Variants in PDZD8 observed in about 807,000 individuals in gnomAD.
PDZD8 encodes the protein PDZ domain containing 8.
PDZD8 carries 14 observed loss-of-function variants against 85.8 expected under a neutral mutation model. That is an observed-to-expected ratio of 0.16 (90% CI 0.11 to 0.26). The LOEUF (loss-of-function observed/expected upper bound fraction) is 0.26. PDZD8 is among the 10% of genes least tolerant of loss of function. PDZD8 has a pLI of 1.00. For synonymous variants in PDZD8, 592 were observed against 568.6 expected (o/e 1.04, Z -0.59); for missense variants, 1,197 against 1,424.3 (o/e 0.84, Z 2.57).
In PDZD8 at chr10:117,364,722, G is replaced by C. The variant is rs144420907; in HGVS notation, c.872+9634C>G. 2.9e-3 allele frequency among the ~76,000 whole-genome samples: 446 copies of C among 152,208 alleles called. 3 individuals carry two copies. Among genetic ancestry groups the C allele is most frequent in the African/African-American group, 0.01 (419 of 41,532 alleles). The stretch of plus-strand genomic sequence containing the variant: ...GCAAAGAGGCATGAACAGATTAAGT[G>C]AGAAGTGGTGACGAAAGATAAGGTC... On this transcript the variant is annotated intron_variant, in intron 1 of 4. Transcript: ENST00000334464.
At chr10:117,331,153 T>G (rs928100263) in intron 2 of PDZD8, among the ~76,000 whole-genome samples, 2 of 152,206 alleles carry the variant, frequency 1.3e-5, no homozygotes, top group Admixed American at 6.5e-5. Flanking sequence ...ATATTTTTTG[T>G]ATTCATCGTA....
chr10:117,359,053 T>C (rs1221400426), intron 1 of PDZD8, among the ~76,000 whole-genome samples: 1 of 141,594 alleles, frequency 7.1e-6, no homozygotes, highest in African/African-American at 2.9e-5. Flanking sequence ...TTCAGTCCCA[T>C]GCTAGTTGAT....
At chr10:117,319,951 A>C (rs1357263492) in intron 2 of PDZD8, among the ~76,000 whole-genome samples, 1 of 152,022 alleles carries the variant, frequency 6.6e-6, no homozygotes, top group African/African-American at 2.4e-5. Flanking sequence ...CACATTAGAG[A>C]AATTTAAAAA....
chr10:117,301,098 C>T (rs1843839361), intron 3 of PDZD8, among the ~76,000 whole-genome samples: 1 of 152,136 alleles, frequency 6.6e-6, no homozygotes, highest in Non-Finnish European at 1.5e-5. Context: ...AAATAATTCT[C>T]TTACCTCAGC....
Position 117,375,369 on chromosome 10 carries a change from C to T in PDZD8, c.-142G>A, listed in dbSNP as rs1054897446. 49 of 522,302 alleles carry T rather than the reference C, an allele frequency of 9.4e-5. No individual in the cohort carries two copies. The highest frequency in any genetic ancestry group is 1.3e-4 in the Non-Finnish European group (44 of 344,662). The allele number at this position is 522,302 out of a possible 1,614,324, so 32.4% of individuals were successfully genotyped here. A position where few individuals can be genotyped will look rare whatever the true frequency, so the allele number is the denominator to read the frequency against. On this transcript the variant is annotated 5_prime_UTR_variant, in exon 1 of 5. Coordinates refer to ENST00000334464, the MANE Select transcript of PDZD8 (RefSeq NM_173791.5). Reference sequence around the variant, plus strand: ...GCTCCGTGGGCCTCGTCCAGGGGCTCGGGCCGGCGCGCTGCGGCGCCCGAG... The same window carrying T: ...GCTCCGTGGGCCTCGTCCAGGGGCTTGGGCCGGCGCGCTGCGGCGCCCGAG...
chr10:117,368,064 T>C (rs1845120192), intron 1 of PDZD8, among the ~76,000 whole-genome samples: 1 of 152,240 alleles, frequency 6.6e-6, no homozygotes, highest in Non-Finnish European at 1.5e-5. Context: ...ATAAGCTTTA[T>C]GTGTTCTTTG....
intron 1 of PDZD8, among the ~76,000 whole-genome samples, chr10:117,346,365 C>T (rs1844709599): frequency 6.6e-6 from 1 of 151,930 alleles, no homozygotes; most frequent in South Asian, 2.1e-4. Context: ...TCCCCCCAAC[C>T]ACCTGATTGA....
intron 3 of PDZD8, among the ~76,000 whole-genome samples, chr10:117,299,190 C>T (rs1843804679): frequency 6.6e-6 from 1 of 152,094 alleles, no homozygotes; most frequent in Non-Finnish European, 1.5e-5. Flanking sequence ...GAAAGTTTGC[C>T]ACCATCTACA....
In PDZD8 at chr10:117,283,768, T is replaced by C. The variant is rs779882112; in HGVS notation, c.2965A>G (p.Ser989Gly). The C allele has an allele frequency of 2.5e-6, 4 of 1,614,124 alleles. No individual in the cohort carries two copies. The African/African-American group carries it at 5.3e-5, about 22-fold the overall frequency. The change falls in exon 5 of 5, where the codon AGT becomes GGT. Residue 989 changes from serine to glycine, a missense_variant. Physicochemically the swap from Ser to Gly is moderately conservative, Grantham distance 56. Transcript: ENST00000334464. ...GSDTEVCGPN[S>G]PSKRGNSTGI... is the part of the protein sequence containing the mutation. ...GTGCTGTTTCCCCGTTTAGAAGGACTGTTTGGACCACAGACCTCCGTGTCA... is the reference window on the plus strand; with the variant it reads ...GTGCTGTTTCCCCGTTTAGAAGGACCGTTTGGACCACAGACCTCCGTGTCA...
intron 1 of PDZD8, among the ~76,000 whole-genome samples, chr10:117,358,236 C>T (rs1024106140): frequency 2.0e-5 from 3 of 152,060 alleles, no homozygotes; most frequent in Non-Finnish European, 2.9e-5. Flanking sequence ...CCTTTTGAAT[C>T]TGTATTTATT....
Position 117,280,829 on chromosome 10 carries a change from A to G in PDZD8, c.*2439T>C, listed in dbSNP as rs1844565110. On this transcript the variant is annotated 3_prime_UTR_variant, in exon 5 of 5. Transcript: ENST00000334464. ...TCTTATAAAACCAAAGTTTTGCATT[A>G]TTTCAACAGCTCTTTCAAATGCATC... The G allele has an allele frequency of 1.3e-5, 2 of 152,194 alleles. No individual in the cohort carries two copies. The highest frequency in any genetic ancestry group is 6.5e-5 in the Admixed American group (1 of 15,272). The allele number at this position is 152,194 out of a possible 1,614,324, so 9.4% of individuals were successfully genotyped here.
chr10:117,322,842 G>A (rs1844249287), intron 2 of PDZD8, among the ~76,000 whole-genome samples: 2 of 152,128 alleles, frequency 1.3e-5, no homozygotes, highest in Non-Finnish European at 1.5e-5. Context: ...TTAACATAAA[G>A]TTGTCCAGCA....
rs1844590134 is a variant in PDZD8, at chr10:117,282,651, T to A, written c.*617A>T. The A allele has an allele frequency of 1.3e-5, 2 of 152,200 alleles. No homozygotes were observed. The highest frequency in any genetic ancestry group is 1.3e-4 in the Admixed American group (2 of 15,272). The allele number at this position is 152,200 out of a possible 1,614,324, so 9.4% of individuals were successfully genotyped here. A position where few individuals can be genotyped will look rare whatever the true frequency, so the allele number is the denominator to read the frequency against. On this transcript the variant is annotated 3_prime_UTR_variant, in exon 5 of 5. Transcript: ENST00000334464. ...AGCAAGCAATATATGTAAAAAATTT[T>A]TTTTTACTAAATCAGCATAACAGAC...
At chr10:117,292,138 C>T (rs184975079) in intron 3 of PDZD8, among the ~76,000 whole-genome samples, 1 of 152,292 alleles carries the variant, frequency 6.6e-6, no homozygotes, top group Admixed American at 6.5e-5. Context: ...CTGGAAGTTG[C>T]TCTTTAATTT....
chr10:117,328,206 G>A (rs1222832775), intron 2 of PDZD8, among the ~76,000 whole-genome samples: 1 of 152,174 alleles, frequency 6.6e-6, no homozygotes, highest in Non-Finnish European at 1.5e-5. Context: ...GAATGTGATT[G>A]TTTCTCTCCT....
chr10:117,290,126 T>C, intron 4 of PDZD8, 60 bp downstream of exon 4: 1 of 1,418,864 alleles, frequency 7.0e-7, no homozygotes, highest in Admixed American at 2.4e-5. Flanking sequence ...AGGAAAAACC[T>C]CACACCTACT....
At chr10:117,288,099 G>C (rs1270118271) in intron 4 of PDZD8, among the ~76,000 whole-genome samples, 1 of 152,068 alleles carries the variant, frequency 6.6e-6, no homozygotes, top group Admixed American at 6.5e-5. Flanking sequence ...TTCAAGTCTG[G>C]ATTTTTCTTT....
intron 1 of PDZD8, among the ~76,000 whole-genome samples, chr10:117,370,587 A>G (rs1196659192): frequency 6.6e-6 from 1 of 152,132 alleles, no homozygotes; most frequent in East Asian, 1.9e-4. Context: ...CACACATGTA[A>G]CCCCAGCACT....
At chr10:117,305,414 AAAAC>A (rs1195531821) in intron 3 of PDZD8, among the ~76,000 whole-genome samples, 121 of 151,602 alleles carry the variant, frequency 8.0e-4, no homozygotes, top group African/African-American at 1.2e-3. Context: ...CTCTGTCTCA[AAAAC>A]AAACAAACAA....
Sources: gnomAD v4.1 joint callset for allele counts (sites outside exome capture counted in the v4.1 genomes callset) on GRCh38, gnomAD v4.1.1 for gene constraint, MANE v1.5 for transcripts, NCBI Gene and HGNC (gene_info 2026-07-23, HGNC 2026-07-21) for gene names.